ZNF730: variants seen among roughly 807,000 people sequenced by gnomAD.
ZNF730 encodes the protein putative zinc finger protein 730.
ZNF730 carries 12 observed loss-of-function variants against 12.6 expected under a neutral mutation model. The observed-to-expected ratio is 0.95, with a 90% CI of 0.61 to 1.54. The LOEUF is 1.54. Ranked by LOEUF, ZNF730 falls within the 40% of genes most tolerant of loss-of-function variation. The pLI is 0.00. For synonymous variants in ZNF730, 194 were observed against 195.8 expected (o/e 0.99, Z 0.08); for missense variants, 643 against 583.5 (o/e 1.10, Z -1.05).
At chr19:23,085,763 G>A (rs550379693) in intron 1 of ZNF730, among the ~76,000 whole-genome samples, 139 of 145,936 alleles carry the variant, frequency 9.5e-4, no homozygotes, top group African/African-American at 3.4e-3. Context: ...TGGTCCACCC[G>A]CCTTTGTCTC....
At chr19:23,140,221 G>A (rs1036704017) in intron 3 of ZNF730, among the ~76,000 whole-genome samples, 1 of 151,612 alleles carries the variant, frequency 6.6e-6, no homozygotes, top group African/African-American at 2.4e-5. Context: ...TTCACCTTGT[G>A]TTTAATAATA....
intron 1 of ZNF730, among the ~76,000 whole-genome samples, chr19:23,096,989 A>G (rs996539195): frequency 1.3e-5 from 2 of 152,108 alleles, no homozygotes; most frequent in Non-Finnish European, 2.9e-5. Flanking sequence ...CGGTTCTGGC[A>G]TATTCTGGGT....
chr19:23,116,442 C>G (rs1488665257), upstream of ZNF730, among the ~76,000 whole-genome samples: 3 of 151,424 alleles, frequency 2.0e-5, no homozygotes, highest in Non-Finnish European at 2.9e-5. Context: ...TCATCTCACT[C>G]TGTCACCAGG....
chr19:23,078,885 A>G (rs868821538), intron 1 of ZNF730, among the ~76,000 whole-genome samples: 1 of 152,130 alleles, frequency 6.6e-6, no homozygotes, highest in African/African-American at 2.4e-5. Flanking sequence ...GCTCACTGCA[A>G]CGTCCATCTC....
chr19:23,127,574 A>G, intron 1 of ZNF730: 1 of 932,934 alleles, frequency 1.1e-6, no homozygotes, highest in Non-Finnish European at 1.8e-6. Context: ...ATGAAGCCAG[A>G]TAAATTGCTC....
chr19:23,145,537 A>C lies in ZNF730; in HGVS notation c.493A>C (p.Ile165Leu). ...HKFSNSNRHK[I>L]RHTSKKPFKC... ...ATTTTCAAATTCAAACAGACATAAG[A>C]TAAGACATACTTCGAAGAAACCTTT... Residue 165 changes from isoleucine (I) to leucine (L), a missense_variant, in exon 4 of 4, where the codon ATA becomes CTA. Coordinates refer to ENST00000597761, the MANE Select transcript of ZNF730 (RefSeq NM_001277403.2). 6.4e-7 allele frequency: 1 copy of C among 1,556,988 alleles called. No individual in the cohort carries two copies. Among genetic ancestry groups the C allele is most frequent in the Non-Finnish European group, 8.7e-7 (1 of 1,151,228 alleles).
chr19:23,140,333 G>T (rs1265732957), intron 3 of ZNF730, among the ~76,000 whole-genome samples: 1 of 151,924 alleles, frequency 6.6e-6, no homozygotes, highest in Non-Finnish European at 1.5e-5. Flanking sequence ...AAATAGATTG[G>T]TTGTGGTGGC....
intron 1 of ZNF730, 68 bp from the exon 2 acceptor site, chr19:23,134,012 C>G (rs1428506831): frequency 6.3e-6 from 10 of 1,586,418 alleles, no homozygotes; most frequent in Non-Finnish European, 8.6e-7. Context: ...CTTATTTCAC[C>G]TTGAGTGAAA....
chr19:23,081,299 C>T lies in ZNF730; in HGVS notation c.-94+5912C>T, dbSNP rs183467381. ...AGCTTGGATTACAGGCATTTGCCACCACTCCCAGCTAATTTTTGTTTTTTG... is the reference window on the plus strand; with the variant it reads ...AGCTTGGATTACAGGCATTTGCCACTACTCCCAGCTAATTTTTGTTTTTTG... On this transcript the variant is annotated intron_variant, in intron 1 of 2. Coordinates refer to the ZNF730 transcript ENST00000593635. Among the ~76,000 whole-genome samples the T allele has an allele frequency of 1.1e-4, 17 of 151,932 alleles. No homozygotes were observed. The East Asian group carries it at 3.3e-3, about 30-fold the overall frequency.
intron 1 of ZNF730, chr19:23,127,195 G>T: frequency 3.5e-6 from 2 of 576,942 alleles, no homozygotes; most frequent in South Asian, 3.1e-5. Flanking sequence ...CTTTACTCCG[G>T]AAATAATTAC....
At chr19:23,135,236 A>T (rs1970811479) in intron 2 of ZNF730, among the ~76,000 whole-genome samples, 2 of 114,314 alleles carry the variant, frequency 1.7e-5, no homozygotes, top group South Asian at 2.6e-4. Context: ...AAAAAAAAAA[A>T]AAAAAAAAAA....
At position 23,146,161 on chromosome 19, in the gene ZNF730, T is replaced by G. The variant is rs200465702; in HGVS notation, c.1117T>G (p.Cys373Gly). 1 of 1,608,126 alleles carries G rather than the reference T, an allele frequency of 6.2e-7. No homozygotes were observed. Among genetic ancestry groups the G allele is most frequent in the Non-Finnish European group, 8.5e-7 (1 of 1,176,990 alleles). ...AGGGAAACCCTACAAATATAAAGAATGTGGTAAAGCTTTTAACCAATCCTC... is the reference window on the plus strand; with the variant it reads ...AGGGAAACCCTACAAATATAAAGAAGGTGGTAAAGCTTTTAACCAATCCTC... ...TGGKPYKYKE[C>G]GKAFNQSSTL... The change falls in exon 4 of 4, where the codon TGT (cysteine) becomes GGT (glycine). Residue 373 changes from cysteine to glycine, a missense_variant. Cys to Gly is a radical substitution (Grantham distance 159). Transcript: ENST00000597761.
rs542651898 is a variant in ZNF730 at position 23,090,771 on chromosome 19, T to G, written c.-94+15384T>G. On this transcript the variant is annotated intron_variant, in intron 1 of 2. Coordinates refer to the ZNF730 transcript ENST00000593635. ...CAGCACTTTGGGAGGCTGAGGTGGG[T>G]GGATCACCTGAAGTCAGGAGTTTGA... Among the ~76,000 whole-genome samples, 3 of 151,736 alleles carry G rather than the reference T, an allele frequency of 2.0e-5. No homozygotes were observed. In the East Asian group the frequency reaches 5.9e-4, roughly 30 times the overall value.
rs1045348765 is a variant in ZNF730 at position 23,087,003 on chromosome 19, C to T, written c.-94+11616C>T. On this transcript the variant is annotated intron_variant, in intron 1 of 2. Coordinates refer to the ZNF730 transcript ENST00000593635. ...TAGTTCTCCTTGTAGAGATCTTTCA[C>T]CTCCCTTGTTAGCTGTATTCCTAGG... Among the ~76,000 whole-genome samples the T allele has an allele frequency of 4.0e-5, 6 of 151,384 alleles. No individual in the cohort carries two copies. The South Asian group carries it at 6.2e-4, about 16-fold the overall frequency.
chr19:23,080,290 A>T (rs1470023308), intron 1 of ZNF730, among the ~76,000 whole-genome samples: 1 of 152,162 alleles, frequency 6.6e-6, no homozygotes, highest in Non-Finnish European at 1.5e-5. Context: ...TGCAATGTAC[A>T]TGAATGTACA....
rs1970985260 is a variant in ZNF730 at position 23,145,276 on chromosome 19, T to C, written c.232T>C (p.Cys78Arg). 6.6e-7 allele frequency: 1 copy of C among 1,516,908 alleles called. No individual in the cohort carries two copies. Among genetic ancestry groups the C allele is most frequent in the Non-Finnish European group, 8.8e-7 (1 of 1,136,578 alleles). 94.0% of individuals were successfully genotyped at this position (1,516,908 alleles called of 1,614,324 possible). A position where few individuals can be genotyped will look rare whatever the true frequency, so the allele number is the denominator to read the frequency against. ...HDMVAKPPVI[C>R]SHIAQDLWPE... is the part of the protein sequence containing the mutation. Reference sequence around the variant, plus strand: ...GTTATTTTTATTTCTTTCAGTTATATGTTCTCATATTGCCCAAGACCTTTG... The same window carrying C: ...GTTATTTTTATTTCTTTCAGTTATACGTTCTCATATTGCCCAAGACCTTTG... The change falls in exon 4 of 4, where the codon TGT becomes CGT. Residue 78 changes from cysteine (C) to arginine (R), a missense_variant. Transcript: ENST00000597761.
intron 1 of ZNF730, among the ~76,000 whole-genome samples, chr19:23,100,536 C>T (rs1970322674): frequency 6.6e-6 from 1 of 151,832 alleles, no homozygotes; most frequent in Non-Finnish European, 1.5e-5. Context: ...GGACAGAGTC[C>T]ACTGGTGAAG....
upstream of ZNF730, among the ~76,000 whole-genome samples, chr19:23,116,328 C>CTTTTCT (rs869125151): frequency 9.5e-4 from 95 of 100,462 alleles, 1 homozygote; most frequent in East Asian, 0.023. Context: ...TCTTTTCTTT[C>CTTTTCT]TTTCTTTCCT....
At chr19:23,131,726 AT>A (rs1196827963) in intron 1 of ZNF730, among the ~76,000 whole-genome samples, 1 of 152,220 alleles carries the variant, frequency 6.6e-6, no homozygotes, top group East Asian at 1.9e-4. Flanking sequence ...AAACTTGTTT[AT>A]AACACCCATT....
Sources: gnomAD v4.1 joint callset for allele counts (sites outside exome capture counted in the v4.1 genomes callset) on GRCh38, gnomAD v4.1.1 for gene constraint, MANE v1.5 for transcripts, NCBI Gene and HGNC (gene_info 2026-07-23, HGNC 2026-07-21) for gene names.